The following TDG variants were observed in gnomAD, a reference collection of about 807,000 sequenced individuals.
TDG encodes the protein G/T mismatch-specific thymine DNA glycosylase.
A neutral mutation model predicts 46.1 loss-of-function variants in TDG; 23 were observed. The observed-to-expected ratio is 0.50, with a 90% CI of 0.36 to 0.71. The LOEUF (loss-of-function observed/expected upper bound fraction) is 0.71. Among genes scored for constraint, TDG ranks in the 30% least tolerant of loss-of-function variants. TDG has a pLI of 0.00. For missense variants in TDG, 304 were observed against 486.7 expected, an observed-to-expected ratio of 0.62 and a Z score of 3.53; for synonymous variants, 115 against 161.3, an observed-to-expected ratio of 0.71 and a Z score of 2.18.
At chr12:103,969,010 A>G (rs1387305203) in intron 1 of TDG, among the ~76,000 whole-genome samples, 3 of 152,232 alleles carry the variant, frequency 2.0e-5, no homozygotes, top group Non-Finnish European at 4.4e-5. Flanking sequence ...ACTAGTGACC[A>G]CTACACTACA....
chr12:103,966,114 CT>C, intron 1 of TDG, 54 bp downstream of exon 1: 1 of 1,453,894 alleles, frequency 6.9e-7, no homozygotes, highest in Non-Finnish European at 9.1e-7. Flanking sequence ...GCTGGGCAGG[CT>C]GGCTGGCGCG....
chr12:103,969,117 T>G (rs1307180736), intron 1 of TDG, among the ~76,000 whole-genome samples: 1 of 152,218 alleles, frequency 6.6e-6, no homozygotes, highest in African/African-American at 2.4e-5. Flanking sequence ...TATAGCAAAT[T>G]TATTATATAC....
intron 1 of TDG, among the ~76,000 whole-genome samples, chr12:103,971,418 C>G (rs1438710852): frequency 6.6e-6 from 1 of 151,772 alleles, no homozygotes; most frequent in Non-Finnish European, 1.5e-5. Flanking sequence ...AAAAATTAGC[C>G]CGGTGTAGGT....
At chr12:103,985,121 AC>A (rs534005968) in intron 8 of TDG, among the ~76,000 whole-genome samples, 88 of 151,470 alleles carry the variant, frequency 5.8e-4, no homozygotes, top group African/African-American at 2.1e-3. Flanking sequence ...ATGTGTGTAT[AC>A]ACTTGTGTGC....
chr12:103,967,149 T>C (rs1871078245), intron 1 of TDG, among the ~76,000 whole-genome samples: 1 of 152,220 alleles, frequency 6.6e-6, no homozygotes, highest in African/African-American at 2.4e-5. Context: ...AAGAGCAGAA[T>C]TGAAACTTGG....
At chr12:103,970,373 G>T (rs1593507407) in intron 1 of TDG, among the ~76,000 whole-genome samples, 1 of 152,166 alleles carries the variant, frequency 6.6e-6, no homozygotes, top group South Asian at 2.1e-4. Context: ...AGCTGCTCAG[G>T]AGACTGAGGT....
chr12:103,969,604 T>C (rs997214471), intron 1 of TDG, among the ~76,000 whole-genome samples: 8 of 152,252 alleles, frequency 5.3e-5, no homozygotes, highest in Non-Finnish European at 1.2e-4. Flanking sequence ...AAATCCTGAC[T>C]GACTGGAATG....
chr12:103,985,412 G>A (rs1872093563), intron 8 of TDG, among the ~76,000 whole-genome samples, 191 bp from the exon 9 acceptor site: 1 of 152,104 alleles, frequency 6.6e-6, no homozygotes, highest in Admixed American at 6.5e-5. Flanking sequence ...CCTACGTAAA[G>A]TTGAATGTAA....
intron 1 of TDG, among the ~76,000 whole-genome samples, chr12:103,974,347 G>A (rs1179928279): frequency 6.6e-6 from 1 of 152,000 alleles, no homozygotes; most frequent in Non-Finnish European, 1.5e-5. Flanking sequence ...TGTGATCATC[G>A]CTCACTGTAA....
Position 103,980,942 on chromosome 12 carries a change from C to T in TDG, c.458C>T (p.Pro153Leu), listed in dbSNP as rs1245572427. Reference sequence around the variant, plus strand: ...GCTGCTTACAAAGGGCATCATTACCCTGGACCTGGAAACCATTTTTGTAAG... The same window carrying T: ...GCTGCTTACAAAGGGCATCATTACCTTGGACCTGGAAACCATTTTTGTAAG... The part of the protein sequence containing the change: ...LMAAYKGHHY[P>L]GPGNHFWKCL... The change falls in exon 4 of 10, where the codon CCT becomes CTT. Residue 153 changes from proline (P) to leucine (L), a missense_variant. Coordinates refer to ENST00000392872, the MANE Select transcript of TDG (RefSeq NM_003211.6). 1.2e-6 allele frequency: 2 copies of T among 1,613,262 alleles called. No homozygotes were observed. The highest frequency in any genetic ancestry group is 2.2e-5 in the East Asian group (1 of 44,862).
intron 3 of TDG, 23 bp downstream of exon 3, chr12:103,980,095 A>G: frequency 6.2e-7 from 1 of 1,612,772 alleles, no homozygotes; most frequent in Non-Finnish European, 8.5e-7. Flanking sequence ...TCCTCGTTGG[A>G]TTTTATAAGT....
chr12:103,979,779 A>G (rs1871731137), intron 2 of TDG, 52 bp from the exon 3 acceptor site: 5 of 1,526,948 alleles, frequency 3.3e-6, no homozygotes, highest in Non-Finnish European at 3.5e-6. Context: ...GAAAGCTGCT[A>G]AAGTTTCTAA....
Position 103,987,098 on chromosome 12 carries a change from G to A in TDG, c.*8G>A, listed in dbSNP as rs746938624. 5 of 1,612,846 alleles carry A rather than the reference G, an allele frequency of 3.1e-6. No individual in the cohort carries two copies. Among genetic ancestry groups the A allele is most frequent in the Non-Finnish European group, 4.2e-6 (5 of 1,179,710 alleles). ...GAAGAAAGCCATGCTTAAGAATGGT[G>A]CTTCTCAGCTCTGCTTAAATGCTGC... On this transcript the variant is annotated 3_prime_UTR_variant, in exon 10 of 10. Coordinates refer to ENST00000392872, the MANE Select transcript of TDG (RefSeq NM_003211.6).
At chr12:103,979,695 A>G (rs1871726103) in intron 2 of TDG, 136 bp from the exon 3 acceptor site, 1 of 1,048,910 alleles carries the variant, frequency 9.5e-7, no homozygotes, top group Non-Finnish European at 1.3e-6. Flanking sequence ...TGCAGAGGAG[A>G]CTCATGTTGG....
intron 1 of TDG, 125 bp downstream of exon 1, chr12:103,966,185 G>C: frequency 1.6e-6 from 2 of 1,277,790 alleles, no homozygotes; most frequent in Non-Finnish European, 2.1e-6. Context: ...GGGGCCGCGC[G>C]TGCGCACTGT....
rs1412675711 is a variant in TDG, at chr12:103,988,801, T to C, written c.*1711T>C. The C allele has an allele frequency of 1.3e-5, 2 of 151,872 alleles. No homozygotes were observed. The highest frequency in any genetic ancestry group is 4.8e-5 in the African/African-American group (2 of 41,326). The allele number at this position is 151,872 out of a possible 1,614,324, so 9.4% of individuals were successfully genotyped here. A position where few individuals can be genotyped will look rare whatever the true frequency, so the allele number is the denominator to read the frequency against. The stretch of plus-strand genomic sequence containing the variant: ...TGTGAGACTTTTTCATTAAATAATA[T>C]TGAAAGATTTTAAAATTCATTTGAA... On this transcript the variant is annotated 3_prime_UTR_variant, in exon 10 of 10. Coordinates refer to ENST00000392872, the MANE Select transcript of TDG (RefSeq NM_003211.6).
chr12:103,988,845 A>G lies in TDG; in HGVS notation c.*1755A>G, dbSNP rs976212462. The stretch of plus-strand genomic sequence containing the variant: ...ATTTGAAAGTCTGATGGCTTTTACA[A>G]TAAAAGATATTAAGAATTGTTATCC... On this transcript the variant is annotated 3_prime_UTR_variant, in exon 10 of 10. Coordinates refer to ENST00000392872, the MANE Select transcript of TDG (RefSeq NM_003211.6). 8 of 152,326 alleles carry G rather than the reference A, an allele frequency of 5.3e-5. No individual in the cohort carries two copies. The highest frequency in any genetic ancestry group is 1.9e-4 in the African/African-American group (8 of 41,560). 9.4% of individuals were successfully genotyped at this position (152,326 alleles called of 1,614,324 possible).
intron 1 of TDG, among the ~76,000 whole-genome samples, chr12:103,971,309 T>C (rs573426525): frequency 6.6e-6 from 1 of 152,328 alleles, no homozygotes; most frequent in East Asian, 1.9e-4. Context: ...ACACCTGTAA[T>C]CCCAGCACTT....
chr12:103,966,064 A>G lies in TDG; in HGVS notation c.23+4A>G, dbSNP rs757862826. On this transcript the variant is annotated splice_donor_region_variant and intron_variant, in intron 1 of 9. Transcript: ENST00000392872. ...TGGAAGCGGAGAACGCGGGCAGGTAATACCGGGGCCAGCGCCGCCCCTCCC... is the reference window on the plus strand; with the variant it reads ...TGGAAGCGGAGAACGCGGGCAGGTAGTACCGGGGCCAGCGCCGCCCCTCCC... 12 of 1,559,904 alleles carry G rather than the reference A, an allele frequency of 7.7e-6. No individual in the cohort carries two copies. In the African/African-American group the frequency reaches 1.3e-4, roughly 16 times the overall value.
Sources: allele counts gnomAD v4.1 joint callset (sites outside exome capture counted in the v4.1 genomes callset), GRCh38; gene constraint gnomAD v4.1.1; transcripts MANE v1.5; gene names NCBI Gene and HGNC (gene_info 2026-07-23, HGNC 2026-07-21).